RBM34: variants seen among roughly 807,000 people sequenced by gnomAD.
The protein encoded by RBM34 is RNA binding motif protein 34.
A neutral mutation model predicts 44.6 loss-of-function variants in RBM34; 39 were observed. The ratio of observed to expected loss-of-function variants is 0.87; its 90% CI spans 0.68 to 1.14. RBM34 has a LOEUF of 1.14. Among genes scored for constraint, RBM34 ranks in the 50% most tolerant of loss-of-function variants. The probability of loss-of-function intolerance (pLI) is 0.00; values close to 1 mark genes in which losing one functional copy is unlikely to be tolerated. For synonymous variants in RBM34, 194 were observed against 184.0 expected, an observed-to-expected ratio of 1.05 and a Z score of -0.44; for missense variants, 572 against 517.9, an observed-to-expected ratio of 1.10 and a Z score of -1.01.
In RBM34 at chr1:235,154,918, A is replaced by G. The variant is rs1293072876; in HGVS notation, c.560T>C (p.Val187Ala). ...EEERLKNERT[V>A]FVGNLPVTCN... is the part of the protein sequence containing the mutation. ...TGTAACAGGCAAATTCCCAACAAAC[A>G]CAGTTCTCTCATTCTTTAATCTCTC... Residue 187 changes from valine (V) to alanine (A), a missense_variant, in exon 4 of 11, where the codon GTG (valine) becomes GCG (alanine). Val to Ala is a moderately conservative substitution (Grantham distance 64). Transcript: ENST00000408888. 1 of 1,613,852 alleles carries G rather than the reference A, an allele frequency of 6.2e-7. No homozygotes were observed. The highest frequency in any genetic ancestry group is 8.5e-7 in the Non-Finnish European group (1 of 1,179,984).
chr1:235,160,863 G>C (rs1662682147), intron 2 of RBM34, 30 bp downstream of exon 2: 1 of 1,610,070 alleles, frequency 6.2e-7, no homozygotes, highest in Non-Finnish European at 8.5e-7. Flanking sequence ...GTTCTAACGA[G>C]CTATTCGGGA....
intron 4 of RBM34, among the ~76,000 whole-genome samples, chr1:235,153,277 A>G (rs1390785847): frequency 1.3e-5 from 2 of 151,612 alleles, no homozygotes; most frequent in African/African-American, 2.4e-5. Context: ...AAAAAAAAAG[A>G]AAACACAATT....
intron 6 of RBM34, among the ~76,000 whole-genome samples, chr1:235,147,181 A>T (rs957523553): frequency 6.6e-6 from 1 of 152,238 alleles, no homozygotes; most frequent in Non-Finnish European, 1.5e-5. Flanking sequence ...CAGTGAGCCA[A>T]GATCTTGCCA....
chr1:235,155,084 C>T lies in RBM34; in HGVS notation c.394G>A (p.Glu132Lys), dbSNP rs764523518. 13 of 1,613,606 alleles carry T rather than the reference C, an allele frequency of 8.1e-6. No homozygotes were observed. Among genetic ancestry groups the T allele is most frequent in the Admixed American group, 1.7e-5 (1 of 59,842 alleles). ...CCTTGTTTCTGGTGAATTTCTTCTT[C>T]TAAATCAGCACTCGCTAGAGCGCTT... The part of the protein sequence containing the change: ...RESALASADL[E>K]EEIHQKQGQK... The change falls in exon 4 of 11, where the codon GAA (glutamate) becomes AAA (lysine). Residue 132 changes from glutamate (E) to lysine (K), a missense_variant. Glu to Lys is a moderately conservative substitution (Grantham distance 56). Coordinates refer to ENST00000408888, the MANE Select transcript of RBM34 (RefSeq NM_015014.4).
In RBM34 at chr1:235,137,772, G is replaced by A. The variant is rs1038070037; in HGVS notation, c.849+105C>T. 30 of 837,634 alleles carry A rather than the reference G, an allele frequency of 3.6e-5. No individual in the cohort carries two copies. The East Asian group carries it at 5.6e-4, about 16-fold the overall frequency. The allele number at this position is 837,634 out of a possible 1,614,324, so 51.9% of individuals were successfully genotyped here. A position where few individuals can be genotyped will look rare whatever the true frequency, so the allele number is the denominator to read the frequency against. ...GAGGACATAGGCTGTTTCCTTCTGC[G>A]CTTCCCTCACATTGCTGATTCCAGT... is the stretch of plus-strand genomic sequence containing the variant. On this transcript the variant is annotated intron_variant, in intron 8 of 10. Coordinates refer to ENST00000408888, the MANE Select transcript of RBM34 (RefSeq NM_015014.4).
intron 6 of RBM34, among the ~76,000 whole-genome samples, chr1:235,140,361 CG>C (rs1661626407): frequency 6.6e-6 from 1 of 152,128 alleles, no homozygotes; most frequent in Non-Finnish European, 1.5e-5. Context: ...GTGGGCTTGG[CG>C]GGCCCCGCAC....
At position 235,148,432 on chromosome 1, in the gene RBM34, T is replaced by C. The variant is rs759114699; in HGVS notation, c.673A>G (p.Thr225Ala). 1.9e-6 allele frequency: 3 copies of C among 1,596,738 alleles called. No homozygotes were observed. The highest frequency in any genetic ancestry group is 2.6e-6 in the Non-Finnish European group (3 of 1,172,756). The change falls in exon 6 of 11, where the codon ACG becomes GCG. Residue 225 changes from threonine to alanine, a missense_variant. Thr to Ala is a moderately conservative substitution (Grantham distance 58). Coordinates refer to ENST00000408888, the MANE Select transcript of RBM34 (RefSeq NM_015014.4). The stretch of plus-strand genomic sequence containing the variant: ...ATTGCTGCCAACTTTTTGGATAGCG[T>C]TCCCTCTGCTGGAATCTTTCAAGAG... ...RFRSLIPAEG[T>A]LSKKLAAIKR...
intron 10 of RBM34, 37 bp downstream of exon 10, chr1:235,135,614 AC>A: frequency 6.8e-7 from 1 of 1,468,282 alleles, no homozygotes; most frequent in Non-Finnish European, 9.5e-7. Context: ...CTCCCAGGGC[AC>A]TTCGAAGGAC....
chr1:235,140,139 C>G (rs957738191), intron 6 of RBM34, among the ~76,000 whole-genome samples: 1 of 152,248 alleles, frequency 6.6e-6, no homozygotes, highest in African/African-American at 2.4e-5. Context: ...CCTCAGAGCC[C>G]TCGCTTGCTC....
chr1:235,135,024 A>G (rs1027147404), intron 10 of RBM34, among the ~76,000 whole-genome samples: 1 of 151,300 alleles, frequency 6.6e-6, no homozygotes, highest in Non-Finnish European at 1.5e-5. Context: ...GATTACAGGC[A>G]TAAGCCACCA....
intron 5 of RBM34, among the ~76,000 whole-genome samples, chr1:235,150,946 T>TGGGGGGAA (rs1662134406): frequency 6.6e-6 from 1 of 150,684 alleles, no homozygotes; most frequent in Non-Finnish European, 1.5e-5. Context: ...GCTGGGGGGA[T>TGGGGGGAA]GGGGGGAAGG....
At chr1:235,140,256 G>A (rs1002470073) in intron 6 of RBM34, among the ~76,000 whole-genome samples, 6 of 152,222 alleles carry the variant, frequency 3.9e-5, no homozygotes, top group South Asian at 2.1e-4. Context: ...GGCCGGAGCC[G>A]GCTCCCTCAG....
chr1:235,154,261 G>T (rs972697923), intron 4 of RBM34, among the ~76,000 whole-genome samples: 2 of 149,506 alleles, frequency 1.3e-5, no homozygotes, highest in African/African-American at 5.0e-5. Flanking sequence ...AAAAAAAAGA[G>T]AGAGAGAGAC....
chr1:235,148,972 T>A (rs1431595731), intron 5 of RBM34, among the ~76,000 whole-genome samples: 2 of 151,992 alleles, frequency 1.3e-5, no homozygotes, highest in Non-Finnish European at 2.9e-5. Flanking sequence ...CATGCTCAGA[T>A]TTAACAGGCA....
intron 6 of RBM34, among the ~76,000 whole-genome samples, chr1:235,140,576 C>A (rs1352737727): frequency 6.6e-6 from 1 of 152,230 alleles, no homozygotes; most frequent in Non-Finnish European, 1.5e-5. Flanking sequence ...GAGCCTCCCA[C>A]CCCCTCCATG....
rs1662687873 is a variant in RBM34, at chr1:235,160,934, G to C, written c.187C>G (p.Leu63Val). 1 of 1,614,182 alleles carries C rather than the reference G, an allele frequency of 6.2e-7. No individual in the cohort carries two copies. Among genetic ancestry groups the C allele is most frequent in the Non-Finnish European group, 8.5e-7 (1 of 1,180,036 alleles). The part of the protein sequence containing the change: ...TGRLASLFSS[L>V]EPQIQPVYVP... ...TACACGGGTTGAATCTGGGGCTCCA[G>C]AGAACTGAAGAGGGACGCCAGCCGA... The change falls in exon 2 of 11, where the codon CTG becomes GTG. Residue 63 changes from leucine to valine, a missense_variant. By Grantham distance (32) the Leu-to-Val change is conservative. Coordinates refer to ENST00000408888, the MANE Select transcript of RBM34 (RefSeq NM_015014.4).
chr1:235,154,838 A>C (rs1337063803), intron 4 of RBM34, 43 bp downstream of exon 4: 1 of 1,488,040 alleles, frequency 6.7e-7, no homozygotes, highest in African/African-American at 1.4e-5. Context: ...CAGGAAGAAC[A>C]AAGTTATTAA....
At chr1:235,150,944 G>C (rs1467266373) in intron 5 of RBM34, among the ~76,000 whole-genome samples, 5 of 152,134 alleles carry the variant, frequency 3.3e-5, no homozygotes, top group Admixed American at 6.5e-5. Flanking sequence ...CGGCTGGGGG[G>C]ATGGGGGGAA....
At position 235,148,834 on chromosome 1, in the gene RBM34, G is replaced by A. The variant is rs564440673; in HGVS notation, c.658-387C>T. Among the ~76,000 whole-genome samples, 10 of 151,914 alleles carry A rather than the reference G, an allele frequency of 6.6e-5. No homozygotes were observed. The South Asian group carries it at 1.0e-3, about 16-fold the overall frequency. On this transcript the variant is annotated intron_variant, in intron 5 of 10. Coordinates refer to ENST00000408888, the MANE Select transcript of RBM34 (RefSeq NM_015014.4). ...AGGATGGTCTCGATCTCCTGACCTCGTGATCCGCCCACCTTGGCCTCCCAA... is the reference window on the plus strand; with the variant it reads ...AGGATGGTCTCGATCTCCTGACCTCATGATCCGCCCACCTTGGCCTCCCAA...
Sources: gnomAD v4.1 joint callset for allele counts (sites outside exome capture counted in the v4.1 genomes callset) on GRCh38, gnomAD v4.1.1 for gene constraint, MANE v1.5 for transcripts, NCBI Gene and HGNC (gene_info 2026-07-23, HGNC 2026-07-21) for gene names.